MED13L: variants seen among roughly 807,000 people sequenced by gnomAD.
MED13L encodes mediator complex subunit 13L.
In MED13L, 7 loss-of-function variants were observed where a neutral mutation model predicts 220.9. The observed-to-expected ratio is 0.03, with a 90% CI of 0.02 to 0.06. The LOEUF is 0.06. Ranked by LOEUF, MED13L falls within the 10% of genes least tolerant of loss-of-function variation. MED13L has a pLI of 1.00. For missense variants in MED13L, 1,965 were observed against 2,760.5 expected, an observed-to-expected ratio of 0.71 and a Z score of 6.46; for synonymous variants, 1,011 against 1,015.2, an observed-to-expected ratio of 1.00 and a Z score of 0.08.
At chr12:116,200,976 G>T (rs1239464249) in intron 2 of MED13L, among the ~76,000 whole-genome samples, 1 of 152,098 alleles carries the variant, frequency 6.6e-6, no homozygotes, top group African/African-American at 2.4e-5. Flanking sequence ...GAGAGAGCAG[G>T]TTACAAAAGA....
rs1871306065 is a variant in MED13L at position 116,082,548 on chromosome 12, C to G, written c.479+14121G>C. ...ATCTTACTATTAAAGATACTTGGCT[C>G]AGCACTACTTAGAACTTCCTCTTGT... On this transcript the variant is annotated intron_variant, in intron 4 of 30. Transcript: ENST00000281928. 5 of 152,110 alleles carry G rather than the reference C, an allele frequency of 3.3e-5. No homozygotes were observed. The South Asian group carries it at 1.0e-3, about 32-fold the overall frequency. The allele number at this position is 152,110 out of a possible 1,614,324, so 9.4% of individuals were successfully genotyped here.
At chr12:116,129,881 C>T (rs1163125560) in intron 2 of MED13L, among the ~76,000 whole-genome samples, 2 of 150,718 alleles carry the variant, frequency 1.3e-5, no homozygotes, top group Non-Finnish European at 2.9e-5. Context: ...GGCACTCCAG[C>T]CTGGGCAACA....
intron 2 of MED13L, among the ~76,000 whole-genome samples, 163 bp from the exon 3 acceptor site, chr12:116,111,675 A>C (rs1874104980): frequency 6.6e-6 from 1 of 152,168 alleles, no homozygotes; most frequent in Non-Finnish European, 1.5e-5. Flanking sequence ...TATTTGCCCA[A>C]AGTTAGAAAA....
chr12:116,119,822 A>ATT (rs1874849888), intron 2 of MED13L, among the ~76,000 whole-genome samples: 2 of 104,146 alleles, frequency 1.9e-5, no homozygotes, highest in African/African-American at 3.7e-5. Flanking sequence ...AAAAAAAAAA[A>ATT]AAAAAAAAAA....
intron 9 of MED13L, 61 bp downstream of exon 9, chr12:116,012,736 A>G: frequency 8.6e-7 from 1 of 1,160,352 alleles, no homozygotes; most frequent in Non-Finnish European, 1.3e-6. Flanking sequence ...AGGCCAGGAG[A>G]TGAATCAACA....
chr12:116,102,698 TTTTTCTTTTTTC>T (rs1426435197), intron 3 of MED13L, among the ~76,000 whole-genome samples: 7 of 57,430 alleles, frequency 1.2e-4, no homozygotes, highest in African/African-American at 2.9e-4. Flanking sequence ...TTTCTTTTTC[TTTTTCTTTTTTC>T]TTTTTTTTTT....
intron 2 of MED13L, among the ~76,000 whole-genome samples, chr12:116,153,884 A>T (rs1878241374): frequency 6.6e-6 from 1 of 152,118 alleles, no homozygotes. Flanking sequence ...TCATCCCCAA[A>T]CTGACAACAT....
chr12:116,246,305 C>T (rs945481056), intron 1 of MED13L, among the ~76,000 whole-genome samples: 7 of 151,210 alleles, frequency 4.6e-5, no homozygotes, highest in Non-Finnish European at 4.4e-5. Context: ...AGGAAACAGA[C>T]CTGAGAGGGA....
chr12:115,980,368 C>A, intron 23 of MED13L: 1 of 215,608 alleles, frequency 4.6e-6, no homozygotes, highest in Non-Finnish European at 9.5e-6. Flanking sequence ...TCTTGCTCTC[C>A]AGGCGGAAGT....
chr12:116,094,519 C>T (rs1872507201), intron 4 of MED13L, among the ~76,000 whole-genome samples: 1 of 152,146 alleles, frequency 6.6e-6, no homozygotes. Context: ...TATACAAACT[C>T]TATATAAAAT....
At chr12:116,108,389 A>AGGG (rs1873775699) in intron 3 of MED13L, among the ~76,000 whole-genome samples, 1 of 17,046 alleles carries the variant, frequency 5.9e-5, no homozygotes, top group African/African-American at 3.3e-4. Context: ...CTTTAAAAGA[A>AGGG]AGGGGGGGGG....
chr12:116,200,751 T>C (rs1182351813), intron 2 of MED13L, among the ~76,000 whole-genome samples: 6 of 152,200 alleles, frequency 3.9e-5, no homozygotes, highest in Non-Finnish European at 5.9e-5. Flanking sequence ...ATCAATAAAT[T>C]TGAATTTTTT....
chr12:116,055,808 T>A (rs1438387710), intron 4 of MED13L, among the ~76,000 whole-genome samples: 1 of 151,768 alleles, frequency 6.6e-6, no homozygotes, highest in East Asian at 1.9e-4. Flanking sequence ...GGCACGAGAA[T>A]CGCTTGAACC....
intron 2 of MED13L, among the ~76,000 whole-genome samples, chr12:116,189,628 G>C (rs1052879043): frequency 3.4e-4 from 52 of 152,094 alleles, no homozygotes; most frequent in African/African-American, 1.2e-3. Flanking sequence ...CATTCAGTCT[G>C]TGATTTGTTT....
intron 2 of MED13L, among the ~76,000 whole-genome samples, chr12:116,173,669 A>AT (rs973732878): frequency 2.0e-5 from 3 of 152,148 alleles, no homozygotes; most frequent in African/African-American, 7.2e-5. Flanking sequence ...CAGAGCATGC[A>AT]TTTGCTGGAT....
chr12:116,116,501 G>C (rs988016269), intron 2 of MED13L, among the ~76,000 whole-genome samples: 1 of 151,958 alleles, frequency 6.6e-6, no homozygotes, highest in African/African-American at 2.4e-5. Context: ...GCTGTTCTCT[G>C]TACCCTTTGT....
chr12:116,195,770 C>G (rs899820332), intron 2 of MED13L, among the ~76,000 whole-genome samples: 1 of 151,528 alleles, frequency 6.6e-6, no homozygotes, highest in African/African-American at 2.4e-5. Flanking sequence ...AGTAAAATTT[C>G]TTTTATAAAG....
intron 2 of MED13L, among the ~76,000 whole-genome samples, chr12:116,150,067 A>G (rs538869377): frequency 6.6e-6 from 1 of 152,328 alleles, no homozygotes; most frequent in Admixed American, 6.5e-5. Context: ...CATTTAATAA[A>G]TGCACACATG....
At chr12:116,148,547 C>A in intron 2 of MED13L, 1 of 321,320 alleles carries the variant, frequency 3.1e-6, no homozygotes, top group Non-Finnish European at 6.8e-6. Context: ...AGTTGACAAT[C>A]CATACTAAAA....
Sources: gnomAD v4.1 joint callset for allele counts (sites outside exome capture counted in the v4.1 genomes callset) on GRCh38, gnomAD v4.1.1 for gene constraint, MANE v1.5 for transcripts, NCBI Gene and HGNC (gene_info 2026-07-23, HGNC 2026-07-21) for gene names.